CNTLN: variants seen among roughly 807,000 people sequenced by gnomAD.
The protein encoded by CNTLN is centlein, centrosomal protein.
In CNTLN, 212 loss-of-function variants were observed where a neutral mutation model predicts 180.0. The observed-to-expected ratio is 1.18, with a 90% CI of 1.05 to 1.32. CNTLN has a LOEUF of 1.32. Ranked by LOEUF, CNTLN falls within the 40% of genes most tolerant of loss-of-function variation. CNTLN has a pLI of 0.00. For synonymous variants in CNTLN, 722 were observed against 563.1 expected (o/e 1.28, Z -3.99); for missense variants, 2,095 against 1,610.9 (o/e 1.30, Z -5.14).
At chr9:17,434,885 G>A (rs1829668970) in intron 18 of CNTLN, among the ~76,000 whole-genome samples, 1 of 151,228 alleles carries the variant, frequency 6.6e-6, no homozygotes, top group Non-Finnish European at 1.5e-5. Context: ...TTTTCTTTTG[G>A]CCTCCATAGT....
At chr9:17,247,668 C>T (rs190110740) in intron 5 of CNTLN, among the ~76,000 whole-genome samples, 1 of 152,096 alleles carries the variant, frequency 6.6e-6, no homozygotes, top group African/African-American at 2.4e-5. Flanking sequence ...ATATGGTGTT[C>T]GTGCATGGAG....
chr9:17,359,735 A>AAAAAAAAAC (rs1823177812), intron 12 of CNTLN, among the ~76,000 whole-genome samples: 1 of 111,234 alleles, frequency 9.0e-6, no homozygotes, highest in African/African-American at 3.5e-5. Flanking sequence ...CAAAAAAAAA[A>AAAAAAAAAC]AAAAAAAAAA....
chr9:17,314,941 A>C (rs1278001731), intron 8 of CNTLN, among the ~76,000 whole-genome samples: 1 of 152,230 alleles, frequency 6.6e-6, no homozygotes. Context: ...AATGCAGTGA[A>C]CTTAATAGAC....
At chr9:17,167,183 C>A (rs1389983903) in intron 2 of CNTLN, 1 of 181,408 alleles carries the variant, frequency 5.5e-6, no homozygotes, top group Non-Finnish European at 1.2e-5. Flanking sequence ...ACATTTCTCT[C>A]CATTACATTA....
chr9:17,523,103 C>T, the CNTLN span, among the ~76,000 whole-genome samples: 211 of 152,304 alleles, frequency 1.4e-3, 1 homozygote, highest in Non-Finnish European at 2.3e-3. Flanking sequence ...GTTTCATCAC[C>T]ACCAGAGAGC....
the CNTLN span, among the ~76,000 whole-genome samples, chr9:17,523,732 C>G: frequency 6.6e-6 from 1 of 152,162 alleles, no homozygotes; most frequent in South Asian, 2.1e-4. Flanking sequence ...ATCTCTGAGA[C>G]TTCTAGAACT....
At chr9:17,236,767 G>T (rs1825169306) in intron 5 of CNTLN, among the ~76,000 whole-genome samples, 179 bp downstream of exon 5, 1 of 152,090 alleles carries the variant, frequency 6.6e-6, no homozygotes, top group Admixed American at 6.6e-5. Context: ...TGCAAAGCAG[G>T]AAACTGACTT....
intron 2 of CNTLN, among the ~76,000 whole-genome samples, chr9:17,152,211 T>A (rs11531702): frequency 0.092 from 14,067 of 152,206 alleles, 700 homozygotes; most frequent in South Asian, 0.14. Context: ...AGCTTTTGAA[T>A]TTGTTTGCTG....
chr9:17,328,905 T>G (rs1166596600), intron 8 of CNTLN, among the ~76,000 whole-genome samples: 1 of 151,904 alleles, frequency 6.6e-6, no homozygotes, highest in Non-Finnish European at 1.5e-5. Flanking sequence ...TAATATAATA[T>G]CAGTAGAAAT....
chr9:17,414,346 G>A (rs1828069754), intron 16 of CNTLN, among the ~76,000 whole-genome samples: 1 of 152,118 alleles, frequency 6.6e-6, no homozygotes, highest in South Asian at 2.1e-4. Flanking sequence ...TTTGTATTCA[G>A]TAATAGTACT....
chr9:17,335,042 A>G (rs1820912095), intron 10 of CNTLN, among the ~76,000 whole-genome samples: 1 of 152,212 alleles, frequency 6.6e-6, no homozygotes, highest in African/African-American at 2.4e-5. Flanking sequence ...AGTTCAAGTC[A>G]GAAGGCAAGA....
chr9:17,400,659 G>A (rs1003709153), intron 15 of CNTLN, among the ~76,000 whole-genome samples: 9 of 152,104 alleles, frequency 5.9e-5, no homozygotes, highest in African/African-American at 2.2e-4. Context: ...CATTAAAATA[G>A]CACCTAAAAC....
intron 18 of CNTLN, among the ~76,000 whole-genome samples, chr9:17,440,994 T>G (rs1342632253): frequency 6.6e-6 from 1 of 152,212 alleles, no homozygotes; most frequent in Admixed American, 6.5e-5. Context: ...CTACAATTAG[T>G]GTGTGGTGAT....
intron 8 of CNTLN, among the ~76,000 whole-genome samples, chr9:17,312,553 A>ATTTTTT (rs56915301): frequency 8.1e-3 from 798 of 98,680 alleles, no homozygotes; most frequent in Non-Finnish European, 0.011. Context: ...AGCCCGGCTA[A>ATTTTTT]TTTTTTTTTT....
intron 19 of CNTLN, among the ~76,000 whole-genome samples, chr9:17,461,977 T>G (rs1423352096): frequency 6.6e-6 from 1 of 151,790 alleles, no homozygotes; most frequent in African/African-American, 2.4e-5. Flanking sequence ...AACAAACATG[T>G]TTTGCTTTGA....
At chr9:17,448,039 G>T (rs1006576443) in intron 18 of CNTLN, 2 of 154,084 alleles carry the variant, frequency 1.3e-5, no homozygotes, top group Non-Finnish European at 2.9e-5. Context: ...AGCGTCTTTT[G>T]TTCCATGGGA....
chr9:17,307,972 CCACACACA>C (rs3837233), intron 7 of CNTLN, among the ~76,000 whole-genome samples: 1,589 of 137,882 alleles, frequency 0.012, 11 homozygotes, highest in African/African-American at 0.031. Context: ...GCCTTTAAAA[CCACACACA>C]CACACACACA....
At chr9:17,338,191 TC>T (rs1279923868) in intron 10 of CNTLN, among the ~76,000 whole-genome samples, 7 of 150,372 alleles carry the variant, frequency 4.7e-5, no homozygotes, top group Non-Finnish European at 8.9e-5. Flanking sequence ...ACAGAGTGTC[TC>T]TCTGTCGCCC....
chr9:17,407,898 G>C (rs1156992230), intron 15 of CNTLN, among the ~76,000 whole-genome samples: 1 of 152,010 alleles, frequency 6.6e-6, no homozygotes, highest in East Asian at 1.9e-4. Context: ...GGCTGAGGTA[G>C]GTGGATTACC....
Sources: allele counts gnomAD v4.1 joint callset (sites outside exome capture counted in the v4.1 genomes callset), GRCh38; gene constraint gnomAD v4.1.1; transcripts MANE v1.5; gene names NCBI Gene and HGNC (gene_info 2026-07-23, HGNC 2026-07-21).